Variants in LRP1B observed in about 807,000 individuals in gnomAD.
LRP1B encodes low-density lipoprotein receptor-related protein 1B.
In LRP1B, 217 loss-of-function variants were observed where a neutral mutation model predicts 556.6. That is an observed-to-expected ratio of 0.39 (90% confidence interval 0.35 to 0.44). The LOEUF is 0.44. LRP1B is among the 20% of genes least tolerant of loss of function. LRP1B has a pLI of 1.00. For synonymous variants in LRP1B, 2,047 were observed against 1,865.8 expected, an observed-to-expected ratio of 1.10 and a Z score of -2.50; for missense variants, 5,053 against 5,620.8, an observed-to-expected ratio of 0.90 and a Z score of 3.23.
intron 66 of LRP1B, among the ~76,000 whole-genome samples, chr2:140,401,136 C>T (rs982563926): frequency 6.6e-6 from 1 of 152,114 alleles, no homozygotes; most frequent in African/African-American, 2.4e-5. Context: ...TTGTCCAGAA[C>T]TTGGTGGGGC....
At chr2:141,531,712 A>G (rs1229989408) in intron 2 of LRP1B, among the ~76,000 whole-genome samples, 1 of 152,156 alleles carries the variant, frequency 6.6e-6, no homozygotes, top group Non-Finnish European at 1.5e-5. Context: ...TAGACAATGT[A>G]AATGATTCAG....
intron 20 of LRP1B, among the ~76,000 whole-genome samples, chr2:140,941,398 T>C (rs12053560): frequency 0.084 from 12,825 of 152,102 alleles, 676 homozygotes; most frequent in East Asian, 0.13. Flanking sequence ...ACAGGTACCA[T>C]GGGTGAAGAA....
At chr2:141,916,153 G>C (rs1033539966) in intron 1 of LRP1B, among the ~76,000 whole-genome samples, 3 of 152,064 alleles carry the variant, frequency 2.0e-5, no homozygotes, top group Admixed American at 6.6e-5. Flanking sequence ...ATTAACAACA[G>C]CAAAGACATA....
rs1239767953 is a variant in LRP1B at position 141,110,186 on chromosome 2, G to C, written c.1014-47913C>G. Among the ~76,000 whole-genome samples the C allele has an allele frequency of 2.6e-5, 4 of 151,902 alleles. No individual in the cohort carries two copies. The East Asian group carries it at 7.7e-4, about 29-fold the overall frequency. ...ACAATGCACATTCCAAATAATTTAG[G>C]GTATAGGGACATAGGCATTTCATGT... is the stretch of plus-strand genomic sequence containing the variant. On this transcript the variant is annotated intron_variant, in intron 7 of 90. Coordinates refer to ENST00000389484, the MANE Select transcript of LRP1B (RefSeq NM_018557.3).
At position 140,700,415 on chromosome 2, in the gene LRP1B, T is replaced by C. The variant is rs1474460637; in HGVS notation, c.6634A>G (p.Ile2212Val). 4.3e-6 allele frequency: 7 copies of C among 1,613,334 alleles called. No individual in the cohort carries two copies. The highest frequency in any genetic ancestry group is 2.7e-5 in the African/African-American group (2 of 74,874). The change falls in exon 41 of 91, where the codon ATA becomes GTA. Residue 2212 changes from isoleucine to valine, a missense_variant. Physicochemically the swap from Ile to Val is conservative, Grantham distance 29 (BLOSUM62 3). Coordinates refer to ENST00000389484, the MANE Select transcript of LRP1B (RefSeq NM_018557.3). ...TAACGTGGATTCTCATATGGCCTTA[T>C]TGGGGAATTTAAATTGGTTTCATCA... is the stretch of plus-strand genomic sequence containing the variant. ...LSDETNLNSP[I>V]RPYENPRYFK...
intron 2 of LRP1B, among the ~76,000 whole-genome samples, chr2:141,508,091 CA>C (rs1553523423): frequency 2.0e-5 from 3 of 148,550 alleles, no homozygotes; most frequent in African/African-American, 7.5e-5. Flanking sequence ...ATCCCCCCCC[CA>C]AAAAAAAAGA....
intron 1 of LRP1B, among the ~76,000 whole-genome samples, chr2:141,906,215 A>G (rs1227672699): frequency 6.6e-6 from 1 of 151,880 alleles, no homozygotes; most frequent in Non-Finnish European, 1.5e-5. Flanking sequence ...TTTTTTAAAA[A>G]GTTCTCAAAC....
chr2:140,763,889 A>G (rs548032279), intron 35 of LRP1B, among the ~76,000 whole-genome samples: 29 of 152,276 alleles, frequency 1.9e-4, no homozygotes, highest in African/African-American at 6.7e-4. Flanking sequence ...ATATTATTGA[A>G]GAAAGTTTGA....
intron 1 of LRP1B, among the ~76,000 whole-genome samples, chr2:141,971,607 G>C (rs1005187320): frequency 1.3e-5 from 2 of 151,546 alleles, no homozygotes; most frequent in South Asian, 4.1e-4. Context: ...AAAATTAATA[G>C]GTGAATGAGT....
intron 1 of LRP1B, among the ~76,000 whole-genome samples, chr2:141,974,125 A>G (rs1226236826): frequency 2.0e-5 from 3 of 151,958 alleles, no homozygotes; most frequent in Non-Finnish European, 4.4e-5. Context: ...GGAAAAAGCT[A>G]CTTCTCCCTT....
chr2:141,894,698 G>A, intron 1 of LRP1B, among the ~76,000 whole-genome samples: 1 of 148,812 alleles, frequency 6.7e-6, no homozygotes, highest in Non-Finnish European at 1.5e-5. Context: ...TCGAATTTAG[G>A]TGGTCAAGGA....
chr2:141,869,043 G>C (rs1446307789), intron 1 of LRP1B, among the ~76,000 whole-genome samples: 1 of 152,040 alleles, frequency 6.6e-6, no homozygotes, highest in Admixed American at 6.6e-5. Flanking sequence ...AAGAAAATAA[G>C]AAATTAAGTT....
In LRP1B at chr2:141,464,606, A is replaced by ATTTTTTTT. The variant is rs71391651; in HGVS notation, c.343+15789_343+15790insAAAAAAAA. On this transcript the variant is annotated intron_variant, in intron 3 of 90. Transcript: ENST00000389484. ...TTTGTATATATATATATATATATAT[A>ATTTTTTTT]TTTTTTTAGTAGAGATGGGGTTTCA... is the stretch of plus-strand genomic sequence containing the variant. Among the ~76,000 whole-genome samples, 35 of 90,536 alleles carry ATTTTTTTT rather than the reference A, an allele frequency of 3.9e-4. 1 individual carries two copies. Among genetic ancestry groups the ATTTTTTTT allele is most frequent in the Non-Finnish European group, 6.4e-4 (29 of 45,162 alleles). 59.4% of individuals were successfully genotyped at this position (90,536 alleles called of 152,430 possible).
At chr2:141,264,189 C>T (rs1200922412) in intron 3 of LRP1B, among the ~76,000 whole-genome samples, 1 of 152,104 alleles carries the variant, frequency 6.6e-6, no homozygotes, top group African/African-American at 2.4e-5. Flanking sequence ...CAACAAATGT[C>T]TACATACAAA....
At chr2:140,253,302 A>G (rs1681534640) in intron 86 of LRP1B, among the ~76,000 whole-genome samples, 1 of 152,122 alleles carries the variant, frequency 6.6e-6, no homozygotes, top group Admixed American at 6.6e-5. Context: ...GTAAAGTAAA[A>G]AGAGAAATGA....
chr2:140,954,132 C>T (rs966130897), intron 18 of LRP1B, among the ~76,000 whole-genome samples: 8 of 152,196 alleles, frequency 5.3e-5, no homozygotes, highest in Non-Finnish European at 8.8e-5. Flanking sequence ...GCCACTCCTT[C>T]GTAAGTTTCT....
intron 81 of LRP1B, 47 bp downstream of exon 81, chr2:140,323,846 G>A (rs911029766): frequency 2.1e-6 from 2 of 954,380 alleles, no homozygotes; most frequent in Non-Finnish European, 3.1e-6. Flanking sequence ...AGAGATACAA[G>A]AAAATAATTT....
chr2:141,006,820 T>C (rs188179648), intron 14 of LRP1B, among the ~76,000 whole-genome samples: 1 of 151,950 alleles, frequency 6.6e-6, no homozygotes, highest in Non-Finnish European at 1.5e-5. Flanking sequence ...ACAATGATAA[T>C]AGCATTTCTG....
At chr2:140,481,324 T>C (rs1284943963) in intron 59 of LRP1B, among the ~76,000 whole-genome samples, 1 of 152,068 alleles carries the variant, frequency 6.6e-6, no homozygotes, top group Non-Finnish European at 1.5e-5. Flanking sequence ...AACTCTGACA[T>C]GATGTAATAG....
Sources: gnomAD v4.1 joint callset for allele counts (sites outside exome capture counted in the v4.1 genomes callset) on GRCh38, gnomAD v4.1.1 for gene constraint, MANE v1.5 for transcripts, NCBI Gene and HGNC (gene_info 2026-07-23, HGNC 2026-07-21) for gene names.